ACYP2: variants seen among roughly 807,000 people sequenced by gnomAD.
ACYP2 encodes acylphosphatase-2.
ACYP2 carries 12 observed loss-of-function variants against 11.2 expected under a neutral mutation model. The ratio of observed to expected loss-of-function variants is 1.08; its 90% CI spans 0.69 to 1.74. The LOEUF (loss-of-function observed/expected upper bound fraction) is 1.74. Among genes scored for constraint, ACYP2 ranks in the 40% most tolerant of loss-of-function variants. The pLI is 0.00. For missense variants in ACYP2, 134 were observed against 101.9 expected, an observed-to-expected ratio of 1.31 and a Z score of -1.35; for synonymous variants, 43 against 32.2, an observed-to-expected ratio of 1.33 and a Z score of -1.13.
intron 6 of ACYP2, among the ~76,000 whole-genome samples, chr2:54,157,753 T>G (rs1004710977): frequency 6.6e-6 from 1 of 151,948 alleles, no homozygotes; most frequent in African/African-American, 2.4e-5. Context: ...CAGAAGAGAG[T>G]GGTGGTTTTC....
chr2:53,991,423 TG>T (rs781090428), intron 2 of ACYP2, among the ~76,000 whole-genome samples: 6 of 151,574 alleles, frequency 4.0e-5, no homozygotes, highest in Non-Finnish European at 8.8e-5. Flanking sequence ...TTTTTTTTTT[TG>T]AGATGGAATT....
At chr2:53,993,299 TGGA>T (rs1308003961) in intron 2 of ACYP2, among the ~76,000 whole-genome samples, 1 of 151,446 alleles carries the variant, frequency 6.6e-6, no homozygotes, top group Admixed American at 6.6e-5. Context: ...GATGATGGTG[TGGA>T]GAAGGAAGGA....
intron 6 of ACYP2, chr2:54,255,223 ACAAT>A: frequency 1.2e-6 from 2 of 1,614,178 alleles, no homozygotes; most frequent in Non-Finnish European, 1.7e-6. Context: ...ATACACCTTT[ACAAT>A]CAGCTTGTTT....
intron 6 of ACYP2, among the ~76,000 whole-genome samples, chr2:54,300,771 C>G (rs954727616): frequency 6.6e-6 from 1 of 152,154 alleles, no homozygotes; most frequent in Admixed American, 6.5e-5. Context: ...TAGGTAGTAC[C>G]AAGTTGCCCT....
At chr2:54,012,954 T>C (rs1051527592) in intron 2 of ACYP2, among the ~76,000 whole-genome samples, 1 of 152,188 alleles carries the variant, frequency 6.6e-6, no homozygotes, top group Non-Finnish European at 1.5e-5. Context: ...CCCTCTGCTC[T>C]AGTTACGCCA....
At chr2:54,299,570 C>T (rs372300346) in intron 6 of ACYP2, among the ~76,000 whole-genome samples, 80 of 138,912 alleles carry the variant, frequency 5.8e-4, no homozygotes, top group East Asian at 6.2e-4. Flanking sequence ...CCAGCCTGGG[C>T]GACAGAGCGA....
intron 2 of ACYP2, among the ~76,000 whole-genome samples, chr2:54,009,754 G>T (rs966104870): frequency 3.9e-5 from 6 of 152,126 alleles, no homozygotes; most frequent in African/African-American, 1.4e-4. Flanking sequence ...CAGTAACCAG[G>T]CTACAAGGAG....
At chr2:54,255,558 C>G in intron 6 of ACYP2, 1 of 1,610,512 alleles carries the variant, frequency 6.2e-7, no homozygotes, top group Non-Finnish European at 8.5e-7. Context: ...GGTGGAGACC[C>G]ACGTTCAGGG....
chr2:54,098,285 A>G (rs147367393), intron 4 of ACYP2, among the ~76,000 whole-genome samples: 2 of 152,126 alleles, frequency 1.3e-5, no homozygotes, highest in East Asian at 3.9e-4. Flanking sequence ...TCTTAACATC[A>G]TCTTATATCC....
intron 2 of ACYP2, among the ~76,000 whole-genome samples, chr2:54,023,987 C>T (rs1474807011): frequency 6.6e-6 from 1 of 151,872 alleles, no homozygotes; most frequent in African/African-American, 2.4e-5. Context: ...AAGGACATAA[C>T]AAAAAAAGAA....
intron 4 of ACYP2, among the ~76,000 whole-genome samples, chr2:54,093,555 C>T (rs1011921724): frequency 6.6e-6 from 1 of 152,226 alleles, no homozygotes; most frequent in Non-Finnish European, 1.5e-5. Context: ...GCCTAGAATT[C>T]AGGTGCTGTT....
At chr2:54,046,006 A>T (rs748200250) in intron 2 of ACYP2, among the ~76,000 whole-genome samples, 13 of 150,978 alleles carry the variant, frequency 8.6e-5, no homozygotes, top group Non-Finnish European at 1.2e-4. Flanking sequence ...CCCAGTCTCT[A>T]AAAAAATACA....
Position 54,047,044 on chromosome 2 carries a change from G to A in ACYP2, c.63-3914G>A, listed in dbSNP as rs79167332. 2.1e-3 allele frequency among the ~76,000 whole-genome samples: 321 copies of A among 152,256 alleles called. 1 individual carries two copies. The highest frequency in any genetic ancestry group is 7.3e-3 in the African/African-American group (305 of 41,554). ...TTGCAGTTTTCAGTAGATATTATTC[G>A]TGTTATCATCAGTGACAAAGATTTA... is the stretch of plus-strand genomic sequence containing the variant. On this transcript the variant is annotated intron_variant, in intron 2 of 6. Coordinates refer to ENST00000607452, the MANE Select transcript of ACYP2 (RefSeq NM_001320586.2).
At chr2:53,975,063 A>G (rs932505344) in intron 2 of ACYP2, among the ~76,000 whole-genome samples, 2 of 152,122 alleles carry the variant, frequency 1.3e-5, no homozygotes, top group Non-Finnish European at 1.5e-5. Context: ...CGTCTCTACT[A>G]AAAATACAAA....
At chr2:54,288,168 G>C (rs1016232923) in intron 6 of ACYP2, among the ~76,000 whole-genome samples, 7 of 151,934 alleles carry the variant, frequency 4.6e-5, no homozygotes, top group Non-Finnish European at 8.8e-5. Context: ...TTCAAAGCAA[G>C]CTGCCTTAAG....
chr2:54,078,386 A>G (rs1677456452), intron 4 of ACYP2, among the ~76,000 whole-genome samples: 1 of 146,230 alleles, frequency 6.8e-6, no homozygotes, highest in South Asian at 2.2e-4. Context: ...ATATACATAT[A>G]TGCAAATCAT....
At chr2:54,242,498 A>C (rs1367772733) in intron 6 of ACYP2, among the ~76,000 whole-genome samples, 1 of 152,240 alleles carries the variant, frequency 6.6e-6, no homozygotes, top group East Asian at 1.9e-4. Context: ...TATGCCACAT[A>C]ATGACTTGAT....
At chr2:53,995,282 C>G (rs540600740) in intron 2 of ACYP2, among the ~76,000 whole-genome samples, 5 of 152,118 alleles carry the variant, frequency 3.3e-5, no homozygotes, top group African/African-American at 7.2e-5. Flanking sequence ...CTACTTTAGT[C>G]TCTTCTTTAA....
At chr2:54,005,328 G>A (rs11888025) in intron 2 of ACYP2, among the ~76,000 whole-genome samples, 101,740 of 150,862 alleles carry the variant, frequency 0.67, 34,766 homozygotes, top group African/African-American at 0.79. Context: ...AGTTGACTCT[G>A]TTTATGAAAG....
Sources: gnomAD v4.1 joint callset for allele counts (sites outside exome capture counted in the v4.1 genomes callset) on GRCh38, gnomAD v4.1.1 for gene constraint, MANE v1.5 for transcripts, NCBI Gene and HGNC (gene_info 2026-07-23, HGNC 2026-07-21) for gene names.